The following ANKS1A variants were observed in gnomAD, a reference collection of about 807,000 sequenced individuals.
The protein encoded by ANKS1A is ankyrin repeat and SAM domain-containing protein 1A.
In ANKS1A, 55 loss-of-function variants were observed where a neutral mutation model predicts 120.3. The ratio of observed to expected loss-of-function variants is 0.46; its 90% confidence interval spans 0.37 to 0.57. The LOEUF is 0.57. ANKS1A is among the 20% of genes least tolerant of loss of function. The pLI is 0.00. For synonymous variants in ANKS1A, 590 were observed against 604.7 expected (o/e 0.98, Z 0.36); for missense variants, 1,123 against 1,480.3 (o/e 0.76, Z 3.96).
In ANKS1A at chr6:35,084,554, C is replaced by T. The variant is rs1777864590; in HGVS notation, c.3132+296C>T. 1.3e-5 allele frequency among the ~76,000 whole-genome samples: 2 copies of T among 150,628 alleles called. No homozygotes were observed. The highest frequency in any genetic ancestry group is 4.2e-4 in the South Asian group (2 of 4,778). On this transcript the variant is annotated intron_variant, in intron 21 of 23. Transcript: ENST00000360359. The surrounding 1 kb of genome is among the most constrained non-coding windows in gnomAD (Gnocchi z 4.8). Reference sequence around the variant, plus strand: ...TGTTGCCCAGGCTTGCCTTGCACTCCTGGGTTCAGGCAAGTTACCCACCTC... The same window carrying T: ...TGTTGCCCAGGCTTGCCTTGCACTCTTGGGTTCAGGCAAGTTACCCACCTC...
Position 34,889,307 on chromosome 6 carries a change from T to G in ANKS1A, c.-96T>G. 12 of 1,210,660 alleles carry G rather than the reference T, an allele frequency of 9.9e-6. No individual in the cohort carries two copies. The highest frequency in any genetic ancestry group is 3.4e-5 in the East Asian group (1 of 29,454). 75.0% of individuals were successfully genotyped at this position (1,210,660 alleles called of 1,614,324 possible). On this transcript the variant is annotated 5_prime_UTR_variant, in exon 1 of 24. Transcript: ENST00000360359. This position sits in a 1 kb window ranked among gnomAD's most constrained non-coding sequence, Gnocchi z 5.5. ...GGAGGGGGTGGTGTCCCCAGCCGGT[T>G]TGGGGGGTGCGTTGCCCGGAGACGG...
At chr6:34,947,994 C>T (rs1769886335) in intron 1 of ANKS1A, among the ~76,000 whole-genome samples, 1 of 151,684 alleles carries the variant, frequency 6.6e-6, no homozygotes, top group Non-Finnish European at 1.5e-5. Context: ...ATTAGAGAGA[C>T]AAAGAAAGTG....
At chr6:35,094,620 A>G (rs750704564), downstream of ANKS1A, among the ~76,000 whole-genome samples, 1 of 152,220 alleles carries the variant, frequency 6.6e-6, no homozygotes, top group East Asian at 1.9e-4. Context: ...TGGAAATTCT[A>G]GAACTAAAAA....
intron 11 of ANKS1A, among the ~76,000 whole-genome samples, chr6:35,021,175 C>A (rs560523854): frequency 5.3e-5 from 8 of 152,054 alleles, no homozygotes; most frequent in East Asian, 4.0e-4. Flanking sequence ...CTGCTCCCCA[C>A]CCTATCCCTG....
At chr6:34,955,405 G>A (rs1047326578) in intron 1 of ANKS1A, among the ~76,000 whole-genome samples, 2 of 152,160 alleles carry the variant, frequency 1.3e-5, no homozygotes, top group African/African-American at 4.8e-5. Flanking sequence ...CCAAAGTGCT[G>A]GGATTACAGG....
intron 1 of ANKS1A, among the ~76,000 whole-genome samples, chr6:34,944,508 T>C (rs1769689465): frequency 6.6e-6 from 1 of 152,198 alleles, no homozygotes; most frequent in Non-Finnish European, 1.5e-5. Flanking sequence ...TACATCTTCT[T>C]TGGTGAGGTG....
At chr6:35,009,727 A>G (rs1343591078) in intron 10 of ANKS1A, among the ~76,000 whole-genome samples, 1 of 151,634 alleles carries the variant, frequency 6.6e-6, no homozygotes, top group African/African-American at 2.4e-5. Context: ...ACATGGTGAA[A>G]CCCCATCTCT....
chr6:34,933,752 T>TAGAAGAA (rs1298664560), intron 1 of ANKS1A, among the ~76,000 whole-genome samples: 18 of 152,382 alleles, frequency 1.2e-4, no homozygotes, highest in African/African-American at 3.4e-4. Flanking sequence ...TTCTAGTTTC[T>TAGAAGAA]TCCAACCCTT....
chr6:34,995,852 T>C (rs1364484375), intron 10 of ANKS1A, among the ~76,000 whole-genome samples: 2 of 152,222 alleles, frequency 1.3e-5, no homozygotes, highest in African/African-American at 4.8e-5. Context: ...TACAAATAAA[T>C]CACTAAAAAC....
In ANKS1A at chr6:34,889,700, G is replaced by C. The variant is rs1481803179; in HGVS notation, c.197+101G>C. The C allele has an allele frequency of 1.7e-6, 2 of 1,175,376 alleles. No homozygotes were observed. The highest frequency in any genetic ancestry group is 2.1e-6 in the Non-Finnish European group (2 of 953,580). The allele number at this position is 1,175,376 out of a possible 1,614,324, so 72.8% of individuals were successfully genotyped here. A position where few individuals can be genotyped will look rare whatever the true frequency, so the allele number is the denominator to read the frequency against. ...TCGGGGGTCCTGAGACTCGGGCGGG[G>C]TGGGCTTGTGGCGTGCCCGGGGCGA... On this transcript the variant is annotated intron_variant, in intron 1 of 23. Transcript: ENST00000360359. The surrounding 1 kb of genome is among the most constrained non-coding windows in gnomAD (Gnocchi z 5.5).
At position 35,018,052 on chromosome 6, in the gene ANKS1A, G is replaced by A; in HGVS notation, c.2003G>A (p.Trp668Ter). The A allele has an allele frequency of 6.2e-7, 1 of 1,613,322 alleles. No individual in the cohort carries two copies. The highest frequency in any genetic ancestry group is 8.5e-7 in the Non-Finnish European group (1 of 1,179,784). Residue 668 changes from tryptophan (W) to a stop codon, truncating the protein, a stop_gained, in exon 11 of 24, where the codon TGG (tryptophan) becomes TAG (stop). Coordinates refer to ENST00000360359, the MANE Select transcript of ANKS1A (RefSeq NM_015245.3). LOFTEE classifies it high-confidence loss of function. ...LEKSPSFASEWDEIEKIMSSI... is the reference protein window; with the variant it reads ...LEKSPSFASE Reference sequence around the variant, plus strand: ...AAGTCACCCTCCTTCGCCTCGGAGTGGGATGAGGTAAGGCCGACATGACGT... The same window carrying A: ...AAGTCACCCTCCTTCGCCTCGGAGTAGGATGAGGTAAGGCCGACATGACGT...
chr6:35,095,513 C>CAT, downstream of ANKS1A, among the ~76,000 whole-genome samples: 1 of 142,104 alleles, frequency 7.0e-6, no homozygotes, highest in East Asian at 2.1e-4. Context: ...GCCAAGATTG[C>CAT]GCCACTGCAC....
chr6:34,983,733 T>C (rs1218829371), intron 7 of ANKS1A, among the ~76,000 whole-genome samples: 1 of 152,128 alleles, frequency 6.6e-6, no homozygotes, highest in East Asian at 1.9e-4. Context: ...AGTGAAACCT[T>C]CTTTTTCTAA....
chr6:35,088,901 T>C lies in ANKS1A; in HGVS notation c.*292T>C. 2.1e-6 allele frequency: 3 copies of C among 1,397,188 alleles called. No individual in the cohort carries two copies. The highest frequency in any genetic ancestry group is 2.8e-6 in the Non-Finnish European group (3 of 1,076,644). 86.5% of individuals were successfully genotyped at this position (1,397,188 alleles called of 1,614,324 possible). A position where few individuals can be genotyped will look rare whatever the true frequency, so the allele number is the denominator to read the frequency against. On this transcript the variant is annotated 3_prime_UTR_variant, in exon 24 of 24. Coordinates refer to ENST00000360359, the MANE Select transcript of ANKS1A (RefSeq NM_015245.3). Reference sequence around the variant, plus strand: ...TGTTTTTAACAGAAAAAAAATCTTTTTATAAAATGAACTTTTAACACTTGG... The same window carrying C: ...TGTTTTTAACAGAAAAAAAATCTTTCTATAAAATGAACTTTTAACACTTGG...
Position 35,042,577 on chromosome 6 carries a change from A to G in ANKS1A, c.2011-11522A>G, listed in dbSNP as rs563069962. Among the ~76,000 whole-genome samples the G allele has an allele frequency of 3.3e-5, 5 of 152,288 alleles. No individual in the cohort carries two copies. In the East Asian group the frequency reaches 5.8e-4, roughly 18 times the overall value. ...AGACCGGGAGCCATCCTCGGACCTT[A>G]TGTATGTGTGAGCAGGTTTGCATCA... On this transcript the variant is annotated intron_variant, in intron 11 of 23. Transcript: ENST00000360359.
chr6:34,996,022 G>A (rs1200515903), intron 10 of ANKS1A, among the ~76,000 whole-genome samples: 4 of 152,164 alleles, frequency 2.6e-5, no homozygotes, highest in African/African-American at 9.7e-5. Flanking sequence ...TTTCCAGAGT[G>A]ATTATACCAT....
rs1668734698 is a variant in ANKS1A at position 35,082,347 on chromosome 6, T to A, written c.2710-344T>A. ...GGGCGCTGTTCTCTCCTTTGGTCTT[T>A]GTGCAGAACAGCCTGGCAGCCTGTG... On this transcript the variant is annotated intron_variant, in intron 17 of 23. Transcript: ENST00000360359. This position sits in a 1 kb window ranked among gnomAD's most constrained non-coding sequence, Gnocchi z 4.1. 6.6e-6 allele frequency among the ~76,000 whole-genome samples: 1 copy of A among 152,080 alleles called. No homozygotes were observed. Among genetic ancestry groups the A allele is most frequent in the Non-Finnish European group, 1.5e-5 (1 of 68,000 alleles).
At chr6:34,932,809 A>G (rs1736800507) in intron 1 of ANKS1A, among the ~76,000 whole-genome samples, 1 of 152,220 alleles carries the variant, frequency 6.6e-6, no homozygotes, top group African/African-American at 2.4e-5. Context: ...TGCTACTTTG[A>G]ACATCCATAT....
At position 35,084,134 on chromosome 6, in the gene ANKS1A, A is replaced by G. The variant is rs746997867; in HGVS notation, c.3008A>G (p.Glu1003Gly). ...IDASNKNVIA[E>G]HEIRNISCAA... ...TTTCCCCAGCAGAACGTCATTGCAG[A>G]GCACGAGATCCGGAACATTTCCTGT... Residue 1003 changes from glutamate (E) to glycine (G), a missense_variant, in exon 21 of 24, where the codon GAG (glutamate) becomes GGG (glycine). Physicochemically the swap from Glu to Gly is moderately conservative, Grantham distance 98. Around this residue, in one of 3 missense-constraint regions of ANKS1A, gnomAD observed 904 missense variants for 1,130.4 expected, o/e 0.80. Transcript: ENST00000360359. The surrounding 1 kb of genome is among the most constrained non-coding windows in gnomAD (Gnocchi z 4.8). 1.9e-6 allele frequency: 3 copies of G among 1,614,056 alleles called. No individual in the cohort carries two copies. Among genetic ancestry groups the G allele is most frequent in the Non-Finnish European group, 2.5e-6 (3 of 1,180,038 alleles).
Sources: gnomAD v4.1 joint callset for allele counts (sites outside exome capture counted in the v4.1 genomes callset) on GRCh38, gnomAD v4.1.1 for gene constraint, gnomAD v4.1.1 regional missense constraint, Gnocchi (gnomAD v3.1) non-coding constraint, MANE v1.5 for transcripts, NCBI Gene and HGNC (gene_info 2026-07-23, HGNC 2026-07-21) for gene names.